NEK7: variants seen among roughly 807,000 people sequenced by gnomAD.
The protein encoded by NEK7 is serine/threonine-protein kinase Nek7.
A neutral mutation model predicts 44.6 loss-of-function variants in NEK7; 18 were observed. The ratio of observed to expected loss-of-function variants is 0.40; its 90% CI spans 0.28 to 0.60. The LOEUF (loss-of-function observed/expected upper bound fraction) is 0.60, where lower values mean the gene tolerates loss of function less well. NEK7 is among the 20% of genes least tolerant of loss of function. The pLI is 0.38. For synonymous variants in NEK7, 130 were observed against 121.1 expected (o/e 1.07, Z -0.48); for missense variants, 256 against 366.5 (o/e 0.70, Z 2.46).
At chr1:198,282,160 A>G (rs1252747647) in intron 7 of NEK7, among the ~76,000 whole-genome samples, 1 of 152,014 alleles carries the variant, frequency 6.6e-6, no homozygotes, top group African/African-American at 2.4e-5. Context: ...ATTACTTCAC[A>G]TTTGGACTAA....
chr1:198,287,723 C>A (rs1370042895), intron 7 of NEK7, among the ~76,000 whole-genome samples: 2 of 150,206 alleles, frequency 1.3e-5, no homozygotes, highest in African/African-American at 4.9e-5. Flanking sequence ...CAGATTTTTG[C>A]TTTAAAAAAA....
Position 198,319,548 on chromosome 1 carries a change from C to T in NEK7, c.*26C>T, listed in dbSNP as rs978779652. On this transcript the variant is annotated 3_prime_UTR_variant, in exon 10 of 10. Coordinates refer to ENST00000367385, the MANE Select transcript of NEK7 (RefSeq NM_133494.3). ...ACATGCAAGATCATGAAGAGTGTAA[C>T]CAAAGTAATTGAAAGTATTTTGTGC... 2 of 1,578,654 alleles carry T rather than the reference C, an allele frequency of 1.3e-6. No individual in the cohort carries two copies. The highest frequency in any genetic ancestry group is 1.7e-6 in the Non-Finnish European group (2 of 1,162,980).
chr1:198,219,676 A>C (rs1461872716), intron 1 of NEK7, among the ~76,000 whole-genome samples: 1 of 151,968 alleles, frequency 6.6e-6, no homozygotes, highest in African/African-American at 2.4e-5. Context: ...TTAAAACATC[A>C]TTATTGTATA....
At chr1:198,276,501 GC>G (rs904710786) in intron 5 of NEK7, among the ~76,000 whole-genome samples, 12 of 151,540 alleles carry the variant, frequency 7.9e-5, no homozygotes, top group African/African-American at 2.4e-4. Flanking sequence ...TTGTAGCATT[GC>G]CCCCTTTGAA....
rs1001518151 is a variant in NEK7, at chr1:198,321,063, G to A, written c.*1541G>A. ...ACCTTGGATGAATTATCCTGCCAAC[G>A]TGAAAACCTCATGTTCAAAGAACAC... On this transcript the variant is annotated 3_prime_UTR_variant, in exon 10 of 10. Coordinates refer to ENST00000367385, the MANE Select transcript of NEK7 (RefSeq NM_133494.3). 1 of 152,186 alleles carries A rather than the reference G, an allele frequency of 6.6e-6. No individual in the cohort carries two copies. The highest frequency in any genetic ancestry group is 1.5e-5 in the Non-Finnish European group (1 of 68,024). The allele number at this position is 152,186 out of a possible 1,614,324, so 9.4% of individuals were successfully genotyped here.
intron 1 of NEK7, among the ~76,000 whole-genome samples, chr1:198,205,946 G>C (rs1239284683): frequency 1.3e-5 from 2 of 152,070 alleles, no homozygotes; most frequent in Non-Finnish European, 2.9e-5. Context: ...TGGGTTTGGG[G>C]GAAAGAGGAG....
At chr1:198,301,827 A>C (rs1654894015) in intron 9 of NEK7, among the ~76,000 whole-genome samples, 1 of 152,236 alleles carries the variant, frequency 6.6e-6, no homozygotes, top group African/African-American at 2.4e-5. Flanking sequence ...CTATTATTAC[A>C]ATAGTGCTTG....
At chr1:198,304,089 CCCTTTGTTCA>C in intron 9 of NEK7, among the ~76,000 whole-genome samples, 1 of 152,202 alleles carries the variant, frequency 6.6e-6, no homozygotes, top group African/African-American at 2.4e-5. Context: ...GTTAAGCAGT[CCCTTTGTTCA>C]CCTATGCTTC....
chr1:198,209,217 A>C (rs1320674751), intron 1 of NEK7, among the ~76,000 whole-genome samples: 3 of 149,134 alleles, frequency 2.0e-5, no homozygotes, highest in Non-Finnish European at 3.0e-5. Flanking sequence ...TTTTGCCACT[A>C]TGAAAGCAAA....
chr1:198,286,359 C>T (rs1654367197), intron 7 of NEK7, among the ~76,000 whole-genome samples: 1 of 151,978 alleles, frequency 6.6e-6, no homozygotes, highest in Admixed American at 6.6e-5. Flanking sequence ...TTCTCCTGCT[C>T]CGCCACCCCT....
chr1:198,305,634 G>A (rs1655003002), intron 9 of NEK7, among the ~76,000 whole-genome samples: 1 of 152,058 alleles, frequency 6.6e-6, no homozygotes, highest in African/African-American at 2.4e-5. Context: ...AGTCAGATTA[G>A]AAATAACATT....
chr1:198,196,765 A>T (rs1198212426), intron 1 of NEK7, among the ~76,000 whole-genome samples: 1 of 152,208 alleles, frequency 6.6e-6, no homozygotes, highest in Non-Finnish European at 1.5e-5. Flanking sequence ...GGCCAAGTCC[A>T]GGTTATGTGG....
intron 1 of NEK7, among the ~76,000 whole-genome samples, chr1:198,184,811 G>T (rs1280518442): frequency 6.6e-6 from 1 of 152,106 alleles, no homozygotes; most frequent in Non-Finnish European, 1.5e-5. Context: ...TGGGACCAAA[G>T]TTGCACACCA....
intron 7 of NEK7, among the ~76,000 whole-genome samples, chr1:198,290,579 G>A (rs116329907): frequency 1.3e-3 from 197 of 152,194 alleles, no homozygotes; most frequent in African/African-American, 4.6e-3. Flanking sequence ...ATGAAGAAGC[G>A]TGTCAGGAGA....
chr1:198,223,163 A>G (rs1464304514), intron 1 of NEK7, among the ~76,000 whole-genome samples: 2 of 152,168 alleles, frequency 1.3e-5, no homozygotes, highest in Non-Finnish European at 2.9e-5. Flanking sequence ...TCTAAGAACA[A>G]TGAGAGCGTT....
At chr1:198,208,958 C>T (rs796309968) in intron 1 of NEK7, among the ~76,000 whole-genome samples, 48 of 152,008 alleles carry the variant, frequency 3.2e-4, no homozygotes, top group African/African-American at 9.9e-4. Context: ...TGGCTTCCTT[C>T]AGCCCTCAGA....
Position 198,240,765 on chromosome 1 carries a change from G to A in NEK7, c.57+8128G>A, listed in dbSNP as rs149312549. Among the ~76,000 whole-genome samples, 773 of 152,188 alleles carry A rather than the reference G, an allele frequency of 5.1e-3. 8 individuals carry two copies. Among genetic ancestry groups the A allele is most frequent in the African/African-American group, 0.018 (739 of 41,520 alleles). On this transcript the variant is annotated intron_variant, in intron 2 of 9. Coordinates refer to ENST00000367385, the MANE Select transcript of NEK7 (RefSeq NM_133494.3). ...AGTGCAAGTGCAGTGGCACGATCTC[G>A]GCTCACTGCAACCTTTGCCACCTGG...
intron 2 of NEK7, among the ~76,000 whole-genome samples, chr1:198,251,794 C>G (rs559819693): frequency 6.6e-6 from 1 of 152,056 alleles, no homozygotes; most frequent in African/African-American, 2.4e-5. Context: ...TGCTAGCAGT[C>G]TATCAATTTT....
Position 198,231,065 on chromosome 1 carries a change from A to G in NEK7, c.-28-1488A>G, listed in dbSNP as rs144128759. The stretch of plus-strand genomic sequence containing the variant: ...TCGAAATAGGCTGATCGATTTTACA[A>G]TTCGTATTAAAATCAGACACGTAAT... On this transcript the variant is annotated intron_variant, in intron 1 of 9. Transcript: ENST00000367385. Among the ~76,000 whole-genome samples, 70 of 151,702 alleles carry G rather than the reference A, an allele frequency of 4.6e-4. 2 individuals are homozygous for G. In the East Asian group the frequency reaches 0.012, roughly 25 times the overall value.
Sources: gnomAD v4.1 joint callset for allele counts (sites outside exome capture counted in the v4.1 genomes callset) on GRCh38, gnomAD v4.1.1 for gene constraint, MANE v1.5 for transcripts, NCBI Gene and HGNC (gene_info 2026-07-23, HGNC 2026-07-21) for gene names.